The following ZMYM1 variants were observed in gnomAD, a reference collection of about 807,000 sequenced individuals.
ZMYM1 encodes the protein zinc finger MYM-type containing 1.
A neutral mutation model predicts 60.0 loss-of-function variants in ZMYM1; 39 were observed. The ratio of observed to expected loss-of-function variants is 0.65; its 90% CI spans 0.50 to 0.85. ZMYM1 has a LOEUF of 0.85. Among genes scored for constraint, ZMYM1 ranks in the 40% least tolerant of loss-of-function variants. ZMYM1 has a pLI of 0.00. For missense variants in ZMYM1, 1,171 were observed against 1,309.5 expected (o/e 0.89, Z 1.63); for synonymous variants, 413 against 454.0 (o/e 0.91, Z 1.15).
chr1:35,114,419 A>G lies in ZMYM1; in HGVS notation c.2589A>G (p.Lys863=), dbSNP rs944948477. The change falls in exon 10 of 10, where the codon AAA becomes AAG. Residue 863 remains lysine (K), a synonymous_variant. Coordinates refer to ENST00000359858, the MANE Select transcript of ZMYM1 (RefSeq NM_024772.5). ...AATTTGAATTTGTCTTTTGTTTGAA[A>G]TTCCTGTATCGAGTGCTGAGTGTTA... ...VSKFEFVFCL[K]FLYRVLSVTG... 2 of 1,613,160 alleles carry G rather than the reference A, an allele frequency of 1.2e-6. No homozygotes were observed. The highest frequency in any genetic ancestry group is 8.5e-7 in the Non-Finnish European group (1 of 1,179,464).
At chr1:35,097,167 C>T in intron 3 of ZMYM1, 150 bp from the exon 4 acceptor site, 1 of 857,908 alleles carries the variant, frequency 1.2e-6, no homozygotes, top group Admixed American at 2.7e-5. Context: ...CTGCAGTGAG[C>T]CATGATCGTA....
intron 1 of ZMYM1, among the ~76,000 whole-genome samples, chr1:35,088,220 C>T (rs1642762920): frequency 2.0e-5 from 3 of 151,742 alleles, no homozygotes; most frequent in African/African-American, 7.3e-5. Flanking sequence ...GTGATCGAGA[C>T]CATCCTGGCC....
In ZMYM1 at chr1:35,102,587, T is replaced by C. The variant is rs193040856; in HGVS notation, c.420-1708T>C. Reference sequence around the variant, plus strand: ...ACAAAATTTTATTGTTGGCGATAAATACTGTCGTTTTACTTGAAGTGACAG... The same window carrying C: ...ACAAAATTTTATTGTTGGCGATAAACACTGTCGTTTTACTTGAAGTGACAG... On this transcript the variant is annotated intron_variant, in intron 4 of 9. Transcript: ENST00000359858. Among the ~76,000 whole-genome samples, 44 of 152,358 alleles carry C rather than the reference T, an allele frequency of 2.9e-4. No individual in the cohort carries two copies. The East Asian group carries it at 5.4e-3, about 19-fold the overall frequency.
chr1:35,072,380 C>G (rs1233963007), intron 1 of ZMYM1, among the ~76,000 whole-genome samples: 2 of 152,074 alleles, frequency 1.3e-5, no homozygotes, highest in Admixed American at 6.6e-5. Flanking sequence ...CCTTTGAATT[C>G]CTGTGATATC....
chr1:35,082,746 G>A (rs1642456090), intron 1 of ZMYM1, among the ~76,000 whole-genome samples: 1 of 151,480 alleles, frequency 6.6e-6, no homozygotes, highest in Admixed American at 6.6e-5. Flanking sequence ...TTGGAAGGCT[G>A]AGGCGGGTGG....
At chr1:35,100,621 C>CAG (rs1643594189) in intron 4 of ZMYM1, among the ~76,000 whole-genome samples, 1 of 108,374 alleles carries the variant, frequency 9.2e-6, no homozygotes, top group Admixed American at 9.6e-5. Flanking sequence ...GACCCTGTCT[C>CAG]AAAAAAAAAA....
chr1:35,113,033 A>G lies in ZMYM1; in HGVS notation c.1203A>G (p.Glu401=). The part of the protein sequence containing the change: ...PSNAVASSST[E]QPSVSPSSSV... The stretch of plus-strand genomic sequence containing the variant: ...ATGCTGTTGCTAGTAGTAGTACGGA[A>G]CAGCCAAGCGTTTCACCATCTTCAT... Residue 401 remains glutamate, a synonymous_variant, in exon 10 of 10, where the codon GAA becomes GAG. Transcript: ENST00000359858. 6.2e-7 allele frequency: 1 copy of G among 1,613,378 alleles called. No homozygotes were observed. Among genetic ancestry groups the G allele is most frequent in the South Asian group, 1.1e-5 (1 of 90,792 alleles).
chr1:35,078,167 T>C (rs192816312), upstream of ZMYM1, among the ~76,000 whole-genome samples: 275 of 152,294 alleles, frequency 1.8e-3, 2 homozygotes, highest in Admixed American at 2.9e-3. Flanking sequence ...TAATAATAAA[T>C]GTTGGAGAAA....
intron 4 of ZMYM1, among the ~76,000 whole-genome samples, chr1:35,100,682 C>T (rs1428896885): frequency 6.6e-6 from 1 of 151,780 alleles, no homozygotes; most frequent in African/African-American, 2.4e-5. Context: ...AGTGTCATTT[C>T]TTCACTTTAG....
intron 1 of ZMYM1, among the ~76,000 whole-genome samples, chr1:35,071,129 C>T (rs969669612): frequency 1.3e-5 from 2 of 152,044 alleles, no homozygotes; most frequent in Admixed American, 6.6e-5. Context: ...TCAGATGATC[C>T]GCCTACCTCA....
chr1:35,088,434 G>GTATGTGTATA (rs1553139263), intron 1 of ZMYM1, among the ~76,000 whole-genome samples: 1 of 68,032 alleles, frequency 1.5e-5, no homozygotes, highest in Non-Finnish European at 3.1e-5. Context: ...GTGTTTATGT[G>GTATGTGTATA]TATATATATA....
chr1:35,099,078 G>T (rs1380817026), intron 4 of ZMYM1, among the ~76,000 whole-genome samples: 1 of 152,026 alleles, frequency 6.6e-6, no homozygotes, highest in Non-Finnish European at 1.5e-5. Flanking sequence ...ATATTTAAGT[G>T]GTCAGAACAA....
intron 6 of ZMYM1, among the ~76,000 whole-genome samples, chr1:35,105,373 G>A (rs1029392092): frequency 1.3e-5 from 2 of 151,792 alleles, no homozygotes; most frequent in Admixed American, 6.6e-5. Context: ...TCCTGACCTC[G>A]TGATCCACCT....
rs1570051254 is a variant in ZMYM1 at position 35,114,397 on chromosome 1, T to C, written c.2567T>C (p.Phe856Ser). The change falls in exon 10 of 10, where the codon TTT becomes TCT. Residue 856 changes from phenylalanine (F) to serine (S), a missense_variant. Physicochemically the swap from Phe to Ser is radical, Grantham distance 155. Coordinates refer to ENST00000359858, the MANE Select transcript of ZMYM1 (RefSeq NM_024772.5). Reference protein sequence around the residue: ...LSHLLTLVSKFEFVFCLKFLY... With the variant: ...LSHLLTLVSKSEFVFCLKFLY... ...CATTTGCTGACATTGGTTTCCAAAT[T>C]TGAATTTGTCTTTTGTTTGAAATTC... is the stretch of plus-strand genomic sequence containing the variant. 4.3e-6 allele frequency: 7 copies of C among 1,613,090 alleles called. No homozygotes were observed. The highest frequency in any genetic ancestry group is 5.1e-6 in the Non-Finnish European group (6 of 1,179,394).
chr1:35,099,977 A>C (rs1370731754), intron 4 of ZMYM1, among the ~76,000 whole-genome samples: 3 of 151,656 alleles, frequency 2.0e-5, no homozygotes, highest in Admixed American at 2.0e-4. Flanking sequence ...TGCAACCTCC[A>C]CCTCCTGGGT....
Position 35,094,043 on chromosome 1 carries a change from G to C in ZMYM1, c.56G>C (p.Gly19Ala). 6.2e-7 allele frequency: 1 copy of C among 1,610,624 alleles called. No individual in the cohort carries two copies. The highest frequency in any genetic ancestry group is 1.1e-5 in the South Asian group (1 of 90,698). The change falls in exon 2 of 10, where the codon GGG becomes GCG. Residue 19 changes from glycine to alanine, a missense_variant. By Grantham distance (60) the Gly-to-Ala change is moderately conservative. Coordinates refer to ENST00000359858, the MANE Select transcript of ZMYM1 (RefSeq NM_024772.5). ...GACAAGGCAGTGGCATCACAGCTGGGGCTGCTAGATGAAATTAAGACAGAA... is the reference window on the plus strand; with the variant it reads ...GACAAGGCAGTGGCATCACAGCTGGCGCTGCTAGATGAAATTAAGACAGAA... ...ECDKAVASQL[G>A]LLDEIKTEPD... is the part of the protein sequence containing the mutation.
chr1:35,091,722 CCTT>C (rs1279108986), intron 1 of ZMYM1, among the ~76,000 whole-genome samples: 1 of 150,224 alleles, frequency 6.7e-6, no homozygotes, highest in Non-Finnish European at 1.5e-5. Flanking sequence ...TAGGGAAACA[CCTT>C]CTCTACAAAA....
downstream of ZMYM1, among the ~76,000 whole-genome samples, chr1:35,116,526 C>T (rs756382679): frequency 4.1e-4 from 62 of 152,158 alleles, no homozygotes; most frequent in South Asian, 1.0e-3. Context: ...GGTATGATCT[C>T]GGCTCACTGC....
rs761296328 is a variant in ZMYM1, at chr1:35,095,826, G to C, written c.104G>C (p.Cys35Ser). 1 of 1,592,956 alleles carries C rather than the reference G, an allele frequency of 6.3e-7. No individual in the cohort carries two copies. Among genetic ancestry groups the C allele is most frequent in the Admixed American group, 1.7e-5 (1 of 57,806 alleles). Residue 35 changes from cysteine to serine, a missense_variant, in exon 3 of 10, where the codon TGT becomes TCT. Physicochemically the swap from Cys to Ser is moderately radical, Grantham distance 112 (BLOSUM62 -1). Coordinates refer to ENST00000359858, the MANE Select transcript of ZMYM1 (RefSeq NM_024772.5). ...TTTTTTTTTTCTTTTTAGGAGTATT[G>C]TCATAGGCAACAGTCCAGAACTCAG... ...KTEPDNAQEY[C>S]HRQQSRTQEN...
Sources: allele counts gnomAD v4.1 joint callset (sites outside exome capture counted in the v4.1 genomes callset), GRCh38; gene constraint gnomAD v4.1.1; transcripts MANE v1.5; gene names NCBI Gene and HGNC (gene_info 2026-07-23, HGNC 2026-07-21).